Variants in MDGA2 observed in about 807,000 individuals in gnomAD.
MDGA2 encodes the protein MAM domain containing glycosylphosphatidylinositol anchor 2.
In MDGA2, 40 loss-of-function variants were observed where a neutral mutation model predicts 117.8. The observed-to-expected ratio is 0.34, with a 90% CI of 0.26 to 0.44. The LOEUF is 0.44. Among genes scored for constraint, MDGA2 ranks in the 20% least tolerant of loss-of-function variants. MDGA2 has a pLI of 1.00. For missense variants in MDGA2, 1,123 were observed against 1,250.6 expected (o/e 0.90, Z 1.54); for synonymous variants, 452 against 439.0 (o/e 1.03, Z -0.37).
At chr14:47,602,918 G>A (rs1051018379) in intron 1 of MDGA2, among the ~76,000 whole-genome samples, 9 of 152,154 alleles carry the variant, frequency 5.9e-5, no homozygotes, top group African/African-American at 1.7e-4. Context: ...TCCAAGTGAA[G>A]TACTTGGTAC....
chr14:47,070,928 G>C (rs1009237570), intron 6 of MDGA2, among the ~76,000 whole-genome samples: 1 of 152,148 alleles, frequency 6.6e-6, no homozygotes, highest in Admixed American at 6.5e-5. Context: ...CTTCCTATTA[G>C]TTCACCCAGC....
intron 8 of MDGA2, among the ~76,000 whole-genome samples, chr14:46,990,074 T>C (rs1247779890): frequency 6.6e-6 from 1 of 152,166 alleles, no homozygotes; most frequent in Non-Finnish European, 1.5e-5. Context: ...AAATCCAGAC[T>C]TTATCACTTG....
In MDGA2 at chr14:47,554,135, C is replaced by T. The variant is rs1390455066; in HGVS notation, c.280+120382G>A. Among the ~76,000 whole-genome samples the T allele has an allele frequency of 3.9e-5, 6 of 152,188 alleles. No individual in the cohort carries two copies. The East Asian group carries it at 9.7e-4, about 25-fold the overall frequency. On this transcript the variant is annotated intron_variant, in intron 1 of 16. Transcript: ENST00000399232. Reference sequence around the variant, plus strand: ...TGTCCTGGATTTTGGCGTGGGAGTTCCATTAGAGGTGATATTGATTTGGGC... The same window carrying T: ...TGTCCTGGATTTTGGCGTGGGAGTTTCATTAGAGGTGATATTGATTTGGGC...
chr14:46,964,216 C>T (rs905801393), intron 8 of MDGA2, among the ~76,000 whole-genome samples: 4 of 152,188 alleles, frequency 2.6e-5, no homozygotes, highest in Admixed American at 1.3e-4. Context: ...CCACTTGTCC[C>T]TTCCAAGGTT....
At chr14:47,537,601 A>C (rs1418179609) in intron 1 of MDGA2, among the ~76,000 whole-genome samples, 4 of 148,332 alleles carry the variant, frequency 2.7e-5, no homozygotes, top group African/African-American at 7.5e-5. Context: ...AAAAAAAAAA[A>C]AAAAAAAAAA....
chr14:47,644,071 A>C (rs760130582), intron 1 of MDGA2, among the ~76,000 whole-genome samples: 2 of 152,184 alleles, frequency 1.3e-5, no homozygotes, highest in African/African-American at 4.8e-5. Flanking sequence ...TGTAAGATAT[A>C]TAAAGATATG....
intron 7 of MDGA2, chr14:47,059,319 A>G (rs1360655537): frequency 1.6e-6 from 2 of 1,274,316 alleles, no homozygotes; most frequent in African/African-American, 3.0e-5. Context: ...TTAAGTGGGT[A>G]CTTTCCAGGG....
intron 5 of MDGA2, among the ~76,000 whole-genome samples, chr14:47,129,246 C>CT (rs1566640803): frequency 6.6e-6 from 1 of 151,470 alleles, no homozygotes; most frequent in Non-Finnish European, 1.5e-5. Context: ...AGCTCCCCCC[C>CT]CGACCCCACA....
intron 14 of MDGA2, among the ~76,000 whole-genome samples, chr14:46,859,803 A>G (rs902922418): frequency 6.6e-6 from 1 of 152,126 alleles, no homozygotes; most frequent in Non-Finnish European, 1.5e-5. Context: ...TAATATGTTA[A>G]TATATACGCT....
At chr14:47,248,160 C>T (rs1887313356) in intron 2 of MDGA2, among the ~76,000 whole-genome samples, 2 of 150,530 alleles carry the variant, frequency 1.3e-5, no homozygotes, top group South Asian at 2.1e-4. Context: ...GGGTATATAC[C>T]CAGTAAAGGG....
At chr14:47,476,376 A>C (rs12892144) in intron 1 of MDGA2, among the ~76,000 whole-genome samples, 69,940 of 151,796 alleles carry the variant, frequency 0.46, 16,358 homozygotes, top group East Asian at 0.61. Context: ...CACGTAAACA[A>C]CTTAGGTTTT....
intron 1 of MDGA2, among the ~76,000 whole-genome samples, chr14:47,514,144 T>A (rs1894702630): frequency 6.6e-6 from 1 of 152,142 alleles, no homozygotes; most frequent in Non-Finnish European, 1.5e-5. Flanking sequence ...AATTCGTTTG[T>A]TTTGTTTTTG....
At chr14:47,471,031 C>T (rs1325926115) in intron 1 of MDGA2, among the ~76,000 whole-genome samples, 1 of 152,104 alleles carries the variant, frequency 6.6e-6, no homozygotes, top group Non-Finnish European at 1.5e-5. Context: ...ATGGACTTCT[C>T]TACTTGGGGT....
At chr14:47,226,906 C>T (rs953410032) in intron 2 of MDGA2, among the ~76,000 whole-genome samples, 2 of 152,106 alleles carry the variant, frequency 1.3e-5, no homozygotes, top group Admixed American at 1.3e-4. Context: ...ATACTGGGAT[C>T]CTTTCTGACT....
intron 1 of MDGA2, among the ~76,000 whole-genome samples, chr14:47,521,229 A>C (rs1270237258): frequency 1.3e-5 from 2 of 152,156 alleles, no homozygotes; most frequent in African/African-American, 4.8e-5. Context: ...TGAATAAGAA[A>C]CTAGAATCTG....
At chr14:47,289,017 T>G (rs182009894) in intron 2 of MDGA2, among the ~76,000 whole-genome samples, 1 of 152,120 alleles carries the variant, frequency 6.6e-6, no homozygotes, top group Non-Finnish European at 1.5e-5. Flanking sequence ...TGACGGCATA[T>G]TCCTTAGCAT....
At chr14:47,653,579 A>G (rs1438834146) in intron 1 of MDGA2, among the ~76,000 whole-genome samples, 1 of 152,160 alleles carries the variant, frequency 6.6e-6, no homozygotes, top group Non-Finnish European at 1.5e-5. Context: ...CGCCAAAAGA[A>G]GTTCACATCC....
At chr14:47,556,289 A>G (rs776885506) in intron 1 of MDGA2, among the ~76,000 whole-genome samples, 2 of 152,078 alleles carry the variant, frequency 1.3e-5, no homozygotes, top group Admixed American at 6.6e-5. Context: ...ATCTATCCCA[A>G]CTATCAGAAC....
intron 1 of MDGA2, among the ~76,000 whole-genome samples, chr14:47,320,959 TA>T (rs1485484196): frequency 1.3e-5 from 2 of 152,128 alleles, no homozygotes; most frequent in African/African-American, 4.8e-5. Flanking sequence ...AGATTATGGG[TA>T]AAGAAGACAT....
Sources: allele counts gnomAD v4.1 joint callset (sites outside exome capture counted in the v4.1 genomes callset), GRCh38; gene constraint gnomAD v4.1.1; transcripts MANE v1.5; gene names NCBI Gene and HGNC (gene_info 2026-07-23, HGNC 2026-07-21).